The following DACT2 variants were observed in gnomAD, a reference collection of about 807,000 sequenced individuals.
The protein encoded by DACT2 is dishevelled binding antagonist of beta catenin 2, also known as dapper homolog 2.
DACT2 carries 20 observed loss-of-function variants against 22.2 expected under a neutral mutation model. The ratio of observed to expected loss-of-function variants is 0.90; its 90% CI spans 0.63 to 1.31. DACT2 has a LOEUF of 1.31. Ranked by LOEUF, DACT2 falls within the 50% of genes most tolerant of loss-of-function variation. The pLI is 0.00. For missense variants in DACT2, 1,048 were observed against 1,061.4 expected, an observed-to-expected ratio of 0.99 and a Z score of 0.18; for synonymous variants, 463 against 479.8, an observed-to-expected ratio of 0.96 and a Z score of 0.46.
At chr6:168,315,652 C>G (rs188523063) in intron 1 of DACT2, among the ~76,000 whole-genome samples, 1 of 152,218 alleles carries the variant, frequency 6.6e-6, no homozygotes, top group East Asian at 1.9e-4. Flanking sequence ...CAGCACATTG[C>G]GACAAGCCTT....
At chr6:168,314,657 A>T (rs971651359) in intron 1 of DACT2, among the ~76,000 whole-genome samples, 1 of 152,230 alleles carries the variant, frequency 6.6e-6, no homozygotes, top group Admixed American at 6.5e-5. Context: ...AACAGTCCAG[A>T]CATCGCAACA....
chr6:168,308,016 C>T lies in DACT2; in HGVS notation c.1741G>A (p.Glu581Lys). 2 of 1,550,346 alleles carry T rather than the reference C, an allele frequency of 1.3e-6. No individual in the cohort carries two copies. Among genetic ancestry groups the T allele is most frequent in the Non-Finnish European group, 1.7e-6 (2 of 1,146,374 alleles). ...GCTTGGGCTGAGGTCCGGTGGCTCT[C>T]CTGCGGGGCCACTGCCAAGGGGACG... is the stretch of plus-strand genomic sequence containing the variant. ...VLVPLAVAPQESHRTSAQALF... is the reference protein window; with the variant it reads ...VLVPLAVAPQKSHRTSAQALF... Residue 581 changes from glutamate (E) to lysine (K), a missense_variant, in exon 4 of 4, where the codon GAG becomes AAG. By Grantham distance (56) the Glu-to-Lys change is moderately conservative (BLOSUM62 1). Coordinates refer to ENST00000366795, the MANE Select transcript of DACT2 (RefSeq NM_214462.5).
chr6:168,311,548 ACATACACACACT>A (rs1779403497), intron 1 of DACT2, among the ~76,000 whole-genome samples: 2 of 79,542 alleles, frequency 2.5e-5, no homozygotes, highest in African/African-American at 1.4e-4. Context: ...ATCCACACAC[ACATACACACACT>A]CACACACAAA....
At position 168,318,734 on chromosome 6, in the gene DACT2, A is replaced by G. The variant is rs144132548; in HGVS notation, c.246+654T>C. ...TCAGAGCGCCCAGGGAGTGCTGAAG[A>G]GGGCCCGTGGCAGGGAAATCAGAGT... On this transcript the variant is annotated intron_variant, in intron 1 of 3. Transcript: ENST00000366795. Among the ~76,000 whole-genome samples the G allele has an allele frequency of 5.8e-4, 88 of 152,222 alleles. 1 individual carries two copies. In the East Asian group the frequency reaches 0.017, roughly 29 times the overall value.
rs1347183167 is a variant in DACT2, at chr6:168,308,523, C to T, written c.1234G>A (p.Glu412Lys). Residue 412 changes from glutamate (E) to lysine (K), a missense_variant, in exon 4 of 4, where the codon GAG becomes AAG. Glu to Lys is a moderately conservative substitution (Grantham distance 56). Transcript: ENST00000366795. ...GPQQQGYMPLEGPQQSGSLPE... is the reference protein window; with the variant it reads ...GPQQQGYMPLKGPQQSGSLPE... Reference sequence around the variant, plus strand: ...AGGCTGCCAGACTGCTGGGGACCCTCAAGGGGCATGTATCCCTGCTGCTGG... The same window carrying T: ...AGGCTGCCAGACTGCTGGGGACCCTTAAGGGGCATGTATCCCTGCTGCTGG... 6.4e-7 allele frequency: 1 copy of T among 1,551,382 alleles called. No homozygotes were observed. The highest frequency in any genetic ancestry group is 8.7e-7 in the Non-Finnish European group (1 of 1,146,952).
At chr6:168,303,359 T>C (rs1003032031), downstream of DACT2, among the ~76,000 whole-genome samples, 1 of 152,128 alleles carries the variant, frequency 6.6e-6, no homozygotes, top group Non-Finnish European at 1.5e-5. Context: ...TTCTGGGTCA[T>C]GGGGGCAGAA....
chr6:168,294,575 G>GTATATATATATATA lies in DACT2; in HGVS notation c.730+57_730+58insTATATATATATATA, dbSNP rs778559132. 14 of 342,482 alleles carry GTATATATATATATA rather than the reference G, an allele frequency of 4.1e-5. No individual in the cohort carries two copies. The African/African-American group carries it at 4.2e-4, about 10-fold the overall frequency. The allele number at this position is 342,482 out of a possible 1,614,324, so 21.2% of individuals were successfully genotyped here. A position where few individuals can be genotyped will look rare whatever the true frequency, so the allele number is the denominator to read the frequency against. On this transcript the variant is annotated intron_variant, in intron 4 of 5. Coordinates refer to the DACT2 transcript ENST00000366796. ...TGTGTGTGTGTATGTGTGTGTGTGT[G>GTATATATATATATA]TGTATATATATATATATATATATAT...
intron 1 of DACT2, among the ~76,000 whole-genome samples, chr6:168,318,777 G>C (rs1170270574): frequency 6.6e-6 from 1 of 152,162 alleles, no homozygotes; most frequent in Admixed American, 6.5e-5. Context: ...CTCTGGATCA[G>C]AGGACACGCC....
downstream of DACT2, among the ~76,000 whole-genome samples, chr6:168,305,564 G>C (rs62424995): frequency 0.038 from 5,741 of 152,090 alleles, 188 homozygotes; most frequent in East Asian, 0.15. Context: ...TGAGTGAGCA[G>C]AATGTGTGAC....
Position 168,307,188 on chromosome 6 carries a change from A to C in DACT2, c.*244T>G. On this transcript the variant is annotated 3_prime_UTR_variant, in exon 4 of 4. Transcript: ENST00000366795. The surrounding 1 kb of genome is among the most constrained non-coding windows in gnomAD (Gnocchi z 5.3). ...TCCTGGGCAGACCTTGAAAAGAGAC[A>C]CTAGGTCGGCCGGGGAGGCTGCTGG... 2.2e-6 allele frequency: 3 copies of C among 1,369,386 alleles called. No individual in the cohort carries two copies. The highest frequency in any genetic ancestry group is 2.8e-6 in the Non-Finnish European group (3 of 1,063,998). The allele number at this position is 1,369,386 out of a possible 1,614,324, so 84.8% of individuals were successfully genotyped here.
Position 168,308,417 on chromosome 6 carries a change from T to G in DACT2, c.1340A>C (p.Gln447Pro). 6.4e-7 allele frequency: 1 copy of G among 1,551,774 alleles called. No individual in the cohort carries two copies. Among genetic ancestry groups the G allele is most frequent in the South Asian group, 1.2e-5 (1 of 84,058 alleles). Residue 447 changes from glutamine (Q) to proline (P), a missense_variant, in exon 4 of 4, where the codon CAG (glutamine) becomes CCG (proline). Gln to Pro is a moderately conservative substitution (Grantham distance 76). Transcript: ENST00000366795. ...MVQASPSSKAQQTPSAQDYGR... is the reference protein window; with the variant it reads ...MVQASPSSKAPQTPSAQDYGR... ...ATAGTCCTGAGCTGAGGGTGTCTGC[T>G]GGGCCTTTGAGCTGGGAGAAGCCTG...
rs1562495820 is a variant in DACT2, at chr6:168,308,520, C to T, written c.1237G>A (p.Gly413Ser). 1 of 1,551,380 alleles carries T rather than the reference C, an allele frequency of 6.4e-7. No individual in the cohort carries two copies. The highest frequency in any genetic ancestry group is 8.7e-7 in the Non-Finnish European group (1 of 1,146,948). Residue 413 changes from glycine to serine, a missense_variant, in exon 4 of 4, where the codon GGT (glycine) becomes AGT (serine). Gly to Ser is a moderately conservative substitution (Grantham distance 56). Coordinates refer to ENST00000366795, the MANE Select transcript of DACT2 (RefSeq NM_214462.5). Reference sequence around the variant, plus strand: ...GGAAGGCTGCCAGACTGCTGGGGACCCTCAAGGGGCATGTATCCCTGCTGC... The same window carrying T: ...GGAAGGCTGCCAGACTGCTGGGGACTCTCAAGGGGCATGTATCCCTGCTGC... ...PQQQGYMPLEGPQQSGSLPEE... is the reference protein window; with the variant it reads ...PQQQGYMPLESPQQSGSLPEE...
At position 168,319,699 on chromosome 6, in the gene DACT2, C is replaced by A; in HGVS notation, c.-66G>T. ...CGCCGGAGGCCCAGCGCGCGCGGAT[C>A]CCGAGCTGTGTCGCGGGTCCTCCTG... On this transcript the variant is annotated 5_prime_UTR_variant, in exon 1 of 4. Coordinates refer to ENST00000366795, the MANE Select transcript of DACT2 (RefSeq NM_214462.5). 1 of 1,190,644 alleles carries A rather than the reference C, an allele frequency of 8.4e-7. No homozygotes were observed. 73.8% of individuals were successfully genotyped at this position (1,190,644 alleles called of 1,614,324 possible).
Position 168,308,846 on chromosome 6 carries a change from G to A in DACT2, c.911C>T (p.Pro304Leu). The A allele has an allele frequency of 6.4e-7, 1 of 1,551,142 alleles. No homozygotes were observed. Among genetic ancestry groups the A allele is most frequent in the South Asian group, 1.2e-5 (1 of 84,050 alleles). ...TGCGGGGCCCCTGGGGCTCTCCCTA[G>A]GGAACGAGGGGCCACCTCTCTGTGG... ...ETPQRGGPSF[P>L]RESPRGPAGL... is the part of the protein sequence containing the mutation. The change falls in exon 4 of 4, where the codon CCT (proline) becomes CTT (leucine). Residue 304 changes from proline (P) to leucine (L), a missense_variant. Coordinates refer to ENST00000366795, the MANE Select transcript of DACT2 (RefSeq NM_214462.5).
chr6:168,297,288 C>T (rs1583289069), intron 3 of DACT2, among the ~76,000 whole-genome samples: 1 of 152,208 alleles, frequency 6.6e-6, no homozygotes. Context: ...ATGAAGTTTG[C>T]CAAGGGAATT....
At chr6:168,311,019 G>A (rs1583299737) in intron 2 of DACT2, 133 bp downstream of exon 2, 6 of 1,187,854 alleles carry the variant, frequency 5.1e-6, no homozygotes, top group South Asian at 2.2e-5. Context: ...CTGACGAAGC[G>A]GCCATCTCCC....
chr6:168,298,957 T>G (rs906494843), intron 3 of DACT2: 2 of 152,172 alleles, frequency 1.3e-5, no homozygotes, highest in African/African-American at 4.8e-5. Context: ...TGGAAGTACT[T>G]TGTAAATACT....
intron 1 of DACT2, among the ~76,000 whole-genome samples, chr6:168,314,102 C>T (rs940209844): frequency 3.3e-5 from 5 of 152,222 alleles, no homozygotes; most frequent in African/African-American, 1.2e-4. Context: ...ATTGTGCTCA[C>T]AGTCACAAAA....
chr6:168,302,340 C>A (rs1779126007), downstream of DACT2, among the ~76,000 whole-genome samples: 1 of 147,176 alleles, frequency 6.8e-6, no homozygotes, highest in African/African-American at 2.6e-5. Context: ...GAATGTTGAA[C>A]CATGGTCCTC....
Sources: gnomAD v4.1 joint callset for allele counts (sites outside exome capture counted in the v4.1 genomes callset) on GRCh38, gnomAD v4.1.1 for gene constraint, Gnocchi (gnomAD v3.1) non-coding constraint, MANE v1.5 for transcripts, NCBI Gene and HGNC (gene_info 2026-07-23, HGNC 2026-07-21) for gene names.